Variants in POLR2E observed in about 807,000 individuals in gnomAD.
POLR2E encodes DNA-directed RNA polymerases I, II, and III subunit RPABC1.
Under a neutral mutation model 29.8 loss-of-function variants are expected in POLR2E, and 35 were observed. The observed-to-expected ratio is 1.17, with a 90% CI of 0.90 to 1.55. POLR2E has a LOEUF of 1.55. POLR2E is among the 40% of genes most tolerant of loss of function. The pLI is 0.00. For missense variants in POLR2E, 287 were observed against 288.6 expected (o/e 0.99, Z 0.04); for synonymous variants, 174 against 112.6 (o/e 1.55, Z -3.45).
At chr19:1,088,916 G>A (rs2043768322) in intron 7 of POLR2E, among the ~76,000 whole-genome samples, 196 bp from the exon 8 acceptor site, 1 of 152,166 alleles carries the variant, frequency 6.6e-6, no homozygotes, top group African/African-American at 2.4e-5. Flanking sequence ...AAGGAACCGT[G>A]CCAGCGTCAG....
intron 1 of POLR2E, chr19:1,095,013 GC>G (rs2043910968): frequency 4.7e-6 from 2 of 427,424 alleles, no homozygotes; most frequent in Admixed American, 8.1e-5. Flanking sequence ...CGCCGCACCA[GC>G]CCAAGCCGCC....
At chr19:1,089,777 C>T in intron 6 of POLR2E, 107 bp downstream of exon 6, 1 of 962,282 alleles carries the variant, frequency 1.0e-6, no homozygotes, top group Non-Finnish European at 1.6e-6. Context: ...AGGTCCCCTC[C>T]AGGCCCTGGA....
intron 3 of POLR2E, 96 bp from the exon 4 acceptor site, chr19:1,091,084 C>T (rs2043818867): frequency 9.8e-7 from 1 of 1,017,018 alleles, no homozygotes; most frequent in Non-Finnish European, 1.5e-6. Flanking sequence ...CTCGTGTGCC[C>T]CAACAACACA....
intron 3 of POLR2E, chr19:1,091,569 C>G (rs1367936002): frequency 1.8e-6 from 1 of 567,330 alleles, no homozygotes; most frequent in African/African-American, 1.9e-5. Flanking sequence ...CGCCCTGACG[C>G]CCCTCCTGAG....
At position 1,095,353 on chromosome 19, in the gene POLR2E, C is replaced by G. The variant is rs17554924; in HGVS notation, c.-38G>C. The G allele has an allele frequency of 0.19, 310,375 of 1,611,154 alleles. 31,591 individuals carry two copies. Among genetic ancestry groups the G allele is most frequent in the South Asian group, 0.28 (25,748 of 90,980 alleles). ...CGCCGCCGCCGCTCGCACCCCTTCT[C>G]CGCGCGAGAACCCGCGCGGACTGCG... On this transcript the variant is annotated 5_prime_UTR_variant, in exon 1 of 8. Coordinates refer to ENST00000615234, the MANE Select transcript of POLR2E (RefSeq NM_002695.5).
rs2043749630 is a variant in POLR2E, at chr19:1,088,212, A to C, written c.*523T>G. On this transcript the variant is annotated 3_prime_UTR_variant, in exon 8 of 8. Transcript: ENST00000615234. ...TGCTCAAAACATCTTTACCATTTGA[A>C]AACACCCAACCTCCTACAACAACCG... 2 of 152,326 alleles carry C rather than the reference A, an allele frequency of 1.3e-5. No homozygotes were observed. Among genetic ancestry groups the C allele is most frequent in the Non-Finnish European group, 2.9e-5 (2 of 68,044 alleles). The allele number at this position is 152,326 out of a possible 1,614,324, so 9.4% of individuals were successfully genotyped here. A position where few individuals can be genotyped will look rare whatever the true frequency, so the allele number is the denominator to read the frequency against.
chr19:1,090,807 A>C, intron 4 of POLR2E, 101 bp downstream of exon 4: 2 of 1,023,868 alleles, frequency 2.0e-6, no homozygotes, highest in African/African-American at 1.6e-5. Context: ...CACTAATAGG[A>C]ACACCTGCCC....
intron 2 of POLR2E, among the ~76,000 whole-genome samples, chr19:1,092,721 A>C (rs113662787): frequency 1.8e-3 from 277 of 151,440 alleles, no homozygotes; most frequent in African/African-American, 6.2e-3. Context: ...TAAACAATAC[A>C]AAAAGAAAAA....
In POLR2E at chr19:1,087,378, CCCGACCTCAGGTGATCCG is replaced by C. The variant is rs1019043807; in HGVS notation, c.*1339_*1356del. 1 of 152,156 alleles carries C rather than the reference CCCGACCTCAGGTGATCCG, an allele frequency of 6.6e-6. No homozygotes were observed. Among genetic ancestry groups the C allele is most frequent in the Non-Finnish European group, 1.5e-5 (1 of 68,040 alleles). 9.4% of individuals were successfully genotyped at this position (152,156 alleles called of 1,614,324 possible). A position where few individuals can be genotyped will look rare whatever the true frequency, so the allele number is the denominator to read the frequency against. ...ATGTTGGTCAGGCTGGTCTCGAACT[CCCGACCTCAGGTGATCCG>C]CCCACCTCGGCCTCCCAAAGTGCTG... On this transcript the variant is annotated 3_prime_UTR_variant, in exon 8 of 8. Transcript: ENST00000615234.
At chr19:1,093,486 G>T (rs1217598774) in intron 2 of POLR2E, among the ~76,000 whole-genome samples, 1 of 148,470 alleles carries the variant, frequency 6.7e-6, no homozygotes, top group Non-Finnish European at 1.5e-5. Context: ...GGGTGCGGAG[G>T]AATGGGCTGG....
chr19:1,090,918 G>GGGA lies in POLR2E; in HGVS notation c.418_419insTCC (p.Thr140delinsIlePro). ...GCGGCGCGCGCCCACCTCGTGCTCC[G>GGGA]TGATGTTGATGAGCAGCTCCTGCTG... On this transcript the variant is annotated protein_altering_variant, in exon 4 of 8. Transcript: ENST00000615234. The GGGA allele has an allele frequency of 6.2e-7, 1 of 1,612,992 alleles. No individual in the cohort carries two copies. Among genetic ancestry groups the GGGA allele is most frequent in the Non-Finnish European group, 8.5e-7 (1 of 1,179,802 alleles).
intron 2 of POLR2E, 91 bp downstream of exon 2, chr19:1,093,813 C>T: frequency 2.1e-6 from 3 of 1,450,892 alleles, no homozygotes; most frequent in Non-Finnish European, 9.1e-7. Flanking sequence ...AAATGCTGGG[C>T]ACCAGGCGAG....
chr19:1,089,907 A>G lies in POLR2E; in HGVS notation c.544T>C (p.Tyr182His), dbSNP rs1189540314. Reference sequence around the variant, plus strand: ...ACCTGCCCACGCTTTATCCCAAAGTAGCGCGCCACAGGGTCCCCCGCCTGG... The same window carrying G: ...ACCTGCCCACGCTTTATCCCAAAGTGGCGCGCCACAGGGTCCCCCGCCTGG... ...RIQAGDPVAR[Y>H]FGIKRGQVVK... The change falls in exon 6 of 8, where the codon TAC (tyrosine) becomes CAC (histidine). Residue 182 changes from tyrosine (Y) to histidine (H), a missense_variant. By Grantham distance (83) the Tyr-to-His change is moderately conservative. Coordinates refer to ENST00000615234, the MANE Select transcript of POLR2E (RefSeq NM_002695.5). The G allele has an allele frequency of 1.5e-5, 24 of 1,612,258 alleles. No homozygotes were observed. Among genetic ancestry groups the G allele is most frequent in the Non-Finnish European group, 1.9e-5 (23 of 1,179,692 alleles).
At position 1,087,970 on chromosome 19, in the gene POLR2E, C is replaced by G. The variant is rs1208995848; in HGVS notation, c.*765G>C. On this transcript the variant is annotated 3_prime_UTR_variant, in exon 8 of 8. Transcript: ENST00000615234. Reference sequence around the variant, plus strand: ...CAGCTGCACAAGCCAGAGAACAACTCCACACCCTCACGGGAAGGGAAGAGA... The same window carrying G: ...CAGCTGCACAAGCCAGAGAACAACTGCACACCCTCACGGGAAGGGAAGAGA... 1 of 150,452 alleles carries G rather than the reference C, an allele frequency of 6.6e-6. No individual in the cohort carries two copies. Among genetic ancestry groups the G allele is most frequent in the Admixed American group, 6.6e-5 (1 of 15,204 alleles). The allele number at this position is 150,452 out of a possible 1,614,324, so 9.3% of individuals were successfully genotyped here.
intron 3 of POLR2E, chr19:1,091,419 G>A: frequency 2.7e-6 from 1 of 374,994 alleles, no homozygotes; most frequent in Non-Finnish European, 5.0e-6. Context: ...ACACGGATAG[G>A]CCCCTGGAGG....
Position 1,094,002 on chromosome 19 carries a change from C to T in POLR2E, c.134G>A (p.Gly45Glu). The T allele has an allele frequency of 6.2e-7, 1 of 1,613,838 alleles. No homozygotes were observed. Among genetic ancestry groups the T allele is most frequent in the Non-Finnish European group, 8.5e-7 (1 of 1,179,942 alleles). ...CGGCCGCCCCTCACTCGGCTTGTCC[C>T]CAGATTGGGCTTTGAACTCCTCCAG... ...QTLEEFKAQS[G>E]DKPSEGRPRR... The change falls in exon 2 of 8, where the codon GGG becomes GAG. Residue 45 changes from glycine to glutamate, a missense_variant. By Grantham distance (98) the Gly-to-Glu change is moderately conservative. Coordinates refer to ENST00000615234, the MANE Select transcript of POLR2E (RefSeq NM_002695.5).
At chr19:1,089,168 G>A (rs1285676609) in intron 7 of POLR2E, among the ~76,000 whole-genome samples, 1 of 152,228 alleles carries the variant, frequency 6.6e-6, no homozygotes, top group East Asian at 1.9e-4. Flanking sequence ...CTTCTGGAAA[G>A]TCCCGCCGCA....
chr19:1,089,577 C>A (rs57575311), intron 6 of POLR2E, 26 bp from the exon 7 acceptor site: 14 of 1,603,322 alleles, frequency 8.7e-6, no homozygotes, highest in Non-Finnish European at 1.2e-5. Context: ...GCAGGGGCTG[C>A]GAATGCTTGA....
chr19:1,095,162 C>T (rs979023362), intron 1 of POLR2E, 97 bp downstream of exon 1: 1 of 1,308,316 alleles, frequency 7.6e-7, no homozygotes, highest in Non-Finnish European at 1.1e-6. Context: ...ATCGCTGCTG[C>T]TCCGACGAGA....
Sources: gnomAD v4.1 joint callset for allele counts (sites outside exome capture counted in the v4.1 genomes callset) on GRCh38, gnomAD v4.1.1 for gene constraint, MANE v1.5 for transcripts, NCBI Gene and HGNC (gene_info 2026-07-23, HGNC 2026-07-21) for gene names.